The following SNTG1 variants were observed in gnomAD, a reference collection of about 807,000 sequenced individuals.
SNTG1 encodes gamma-1-syntrophin.
Under a neutral mutation model 74.7 loss-of-function variants are expected in SNTG1, and 39 were observed. That is an observed-to-expected ratio of 0.52 (90% CI 0.40 to 0.68). The LOEUF is 0.68. Ranked by LOEUF, SNTG1 falls within the 30% of genes least tolerant of loss-of-function variation. The pLI, the probability that SNTG1 is intolerant of heterozygous loss-of-function variation, is 0.00. For synonymous variants in SNTG1, 254 were observed against 217.1 expected (o/e 1.17, Z -1.49); for missense variants, 685 against 609.5 (o/e 1.12, Z -1.30).
intron 12 of SNTG1, among the ~76,000 whole-genome samples, chr8:50,569,594 C>T (rs1208469826): frequency 6.7e-6 from 1 of 149,786 alleles, no homozygotes; most frequent in Non-Finnish European, 1.5e-5. Context: ...AAAGGCTCAA[C>T]AAAGCTTGTA....
intron 9 of SNTG1, among the ~76,000 whole-genome samples, chr8:50,519,422 C>T (rs1470313388): frequency 4.6e-5 from 7 of 152,152 alleles, no homozygotes; most frequent in Non-Finnish European, 1.0e-4. Context: ...CTCACCACTC[C>T]TATTCAACAT....
At chr8:50,365,306 C>A (rs944310495) in intron 2 of SNTG1, among the ~76,000 whole-genome samples, 1 of 152,024 alleles carries the variant, frequency 6.6e-6, no homozygotes. Context: ...GAGATAATTA[C>A]TGAAATAGAC....
chr8:50,385,353 C>A (rs2131258544), intron 2 of SNTG1, among the ~76,000 whole-genome samples: 1 of 152,292 alleles, frequency 6.6e-6, no homozygotes, highest in African/African-American at 2.4e-5. Context: ...TGGTCATAAG[C>A]AAGGCCAACT....
chr8:50,585,857 T>C (rs770755271), intron 12 of SNTG1, among the ~76,000 whole-genome samples: 1 of 152,194 alleles, frequency 6.6e-6, no homozygotes, highest in Non-Finnish European at 1.5e-5. Flanking sequence ...AAGTAAGTAT[T>C]TTTCAAAGCA....
intron 4 of SNTG1, among the ~76,000 whole-genome samples, chr8:50,412,900 T>A (rs528579415): frequency 6.6e-6 from 1 of 152,238 alleles, no homozygotes; most frequent in African/African-American, 2.4e-5. Context: ...TGTGGTGCCA[T>A]CAATAAAGGG....
chr8:50,573,797 A>G (rs1020589295), intron 12 of SNTG1, among the ~76,000 whole-genome samples: 19 of 151,938 alleles, frequency 1.3e-4, no homozygotes, highest in Admixed American at 1.2e-3. Context: ...AAAAGTTTCT[A>G]TTTAATTTAA....
intron 8 of SNTG1, among the ~76,000 whole-genome samples, chr8:50,475,259 C>T (rs1326823554): frequency 6.6e-6 from 1 of 150,898 alleles, no homozygotes; most frequent in Non-Finnish European, 1.5e-5. Context: ...AAAGAGCATG[C>T]AGTGGCAAAA....
At chr8:49,919,846 T>C (rs908191305) in intron 1 of SNTG1, among the ~76,000 whole-genome samples, 6 of 152,106 alleles carry the variant, frequency 3.9e-5, no homozygotes, top group Admixed American at 3.9e-4. Context: ...TTTCCTGGTC[T>C]GGTTTTAATC....
chr8:50,013,189 T>A (rs1815978637), intron 1 of SNTG1, among the ~76,000 whole-genome samples: 1 of 152,192 alleles, frequency 6.6e-6, no homozygotes, highest in Non-Finnish European at 1.5e-5. Context: ...GTCTTGCTAG[T>A]GTTTAATCTT....
At chr8:50,206,911 G>T (rs2084269350) in intron 2 of SNTG1, among the ~76,000 whole-genome samples, 1 of 152,180 alleles carries the variant, frequency 6.6e-6, no homozygotes, top group Admixed American at 6.5e-5. Context: ...TCCTAGGGAT[G>T]AAGCCAACTT....
chr8:50,361,055 A>G (rs1215950214), intron 2 of SNTG1, among the ~76,000 whole-genome samples: 1 of 152,202 alleles, frequency 6.6e-6, no homozygotes, highest in African/African-American at 2.4e-5. Flanking sequence ...TAAAACACAA[A>G]CATTTACAAC....
chr8:50,566,560 G>A (rs1295265917), intron 12 of SNTG1, among the ~76,000 whole-genome samples: 2 of 151,972 alleles, frequency 1.3e-5, no homozygotes, highest in Non-Finnish European at 2.9e-5. Flanking sequence ...AATTTAGGCA[G>A]CATAAAAGAC....
intron 13 of SNTG1, among the ~76,000 whole-genome samples, chr8:50,618,043 T>C (rs1432422195): frequency 6.6e-6 from 1 of 152,210 alleles, no homozygotes; most frequent in East Asian, 1.9e-4. Flanking sequence ...TTCTCAATTA[T>C]GAATTAATTT....
At chr8:50,471,274 C>T (rs2093652422) in intron 8 of SNTG1, among the ~76,000 whole-genome samples, 3 of 151,794 alleles carry the variant, frequency 2.0e-5, no homozygotes, top group Admixed American at 6.6e-5. Context: ...ACCCTTGCTC[C>T]TATCAGAGTG....
intron 2 of SNTG1, among the ~76,000 whole-genome samples, chr8:50,276,723 C>T (rs192585021): frequency 2.3e-3 from 354 of 152,116 alleles, no homozygotes; most frequent in South Asian, 3.8e-3. Context: ...ACATAAAGCT[C>T]TAGAATATAC....
chr8:50,019,781 C>T (rs1181211741), intron 1 of SNTG1, among the ~76,000 whole-genome samples: 1 of 151,928 alleles, frequency 6.6e-6, no homozygotes, highest in African/African-American at 2.4e-5. Context: ...GATTGAAATA[C>T]AATTGTACAA....
intron 2 of SNTG1, among the ~76,000 whole-genome samples, chr8:50,308,763 A>G (rs2089994844): frequency 6.6e-6 from 1 of 152,196 alleles, no homozygotes; most frequent in Non-Finnish European, 1.5e-5. Context: ...CCAATTGTCC[A>G]TAGATATTGG....
intron 4 of SNTG1, among the ~76,000 whole-genome samples, chr8:50,420,997 C>A (rs1380405334): frequency 7.9e-6 from 1 of 126,052 alleles, no homozygotes; most frequent in African/African-American, 3.0e-5. Flanking sequence ...TGCACTCCAG[C>A]CTGGCAACAG....
At chr8:50,433,053 G>C (rs2093257958) in intron 4 of SNTG1, among the ~76,000 whole-genome samples, 1 of 152,176 alleles carries the variant, frequency 6.6e-6, no homozygotes, top group African/African-American at 2.4e-5. Context: ...GCCTCCCAAA[G>C]TGCTGGGATT....
Sources: allele counts gnomAD v4.1 joint callset (sites outside exome capture counted in the v4.1 genomes callset), GRCh38; gene constraint gnomAD v4.1.1; transcripts MANE v1.5; gene names NCBI Gene and HGNC (gene_info 2026-07-23, HGNC 2026-07-21).